Variants in HPSE2 observed in about 807,000 individuals in gnomAD.
The protein encoded by HPSE2 is heparanase 2 (inactive).
HPSE2 carries 38 observed loss-of-function variants against 60.5 expected under a neutral mutation model. That is an observed-to-expected ratio of 0.63 (90% CI 0.48 to 0.82). The LOEUF (loss-of-function observed/expected upper bound fraction) is 0.82. Among genes scored for constraint, HPSE2 ranks in the 40% least tolerant of loss-of-function variants. The probability of loss-of-function intolerance (pLI) is 0.00; values close to 1 mark genes in which losing one functional copy is unlikely to be tolerated. For synonymous variants in HPSE2, 295 were observed against 293.2 expected, an observed-to-expected ratio of 1.01 and a Z score of -0.06; for missense variants, 713 against 740.4, an observed-to-expected ratio of 0.96 and a Z score of 0.43.
At chr10:98,637,839 G>A (rs1444859853) in intron 7 of HPSE2, among the ~76,000 whole-genome samples, 1 of 152,082 alleles carries the variant, frequency 6.6e-6, no homozygotes, top group East Asian at 1.9e-4. Context: ...TATATAGACA[G>A]TAAAACCTTA....
chr10:98,459,474 G>C lies in HPSE2; in HGVS notation c.*100C>G. 1 of 1,254,120 alleles carries C rather than the reference G, an allele frequency of 8.0e-7. No homozygotes were observed. The highest frequency in any genetic ancestry group is 1.7e-5 in the Admixed American group (1 of 59,494). 77.7% of individuals were successfully genotyped at this position (1,254,120 alleles called of 1,614,324 possible). A position where few individuals can be genotyped will look rare whatever the true frequency, so the allele number is the denominator to read the frequency against. On this transcript the variant is annotated 3_prime_UTR_variant, in exon 12 of 12. Coordinates refer to ENST00000370552, the MANE Select transcript of HPSE2 (RefSeq NM_021828.5). The stretch of plus-strand genomic sequence containing the variant: ...TGATTCCAGCAGGATGGGGCAGCAG[G>C]GGCTGGTTGCTAGGATGTCTGAAAA...
At chr10:99,099,067 G>T (rs1021423632) in intron 3 of HPSE2, among the ~76,000 whole-genome samples, 1 of 152,192 alleles carries the variant, frequency 6.6e-6, no homozygotes, top group East Asian at 1.9e-4. Context: ...CAGCGTGAGT[G>T]ATGCAGAAGA....
At chr10:98,663,919 C>T (rs747996909) in intron 6 of HPSE2, among the ~76,000 whole-genome samples, 7 of 152,276 alleles carry the variant, frequency 4.6e-5, no homozygotes, top group South Asian at 2.1e-4. Flanking sequence ...ACTTCCAGCA[C>T]GGTGACCTTG....
At chr10:98,738,646 C>T (rs745884636) in intron 4 of HPSE2, among the ~76,000 whole-genome samples, 1 of 152,212 alleles carries the variant, frequency 6.6e-6, no homozygotes, top group South Asian at 2.1e-4. Flanking sequence ...AAACCCCCAT[C>T]AAGAAGTGGG....
At chr10:98,889,166 T>C (rs1055631486) in intron 3 of HPSE2, among the ~76,000 whole-genome samples, 17 of 151,578 alleles carry the variant, frequency 1.1e-4, no homozygotes, top group African/African-American at 4.1e-4. Context: ...GTTGATTGAA[T>C]CTTATAGACT....
At chr10:98,736,418 C>T (rs941017193) in intron 4 of HPSE2, among the ~76,000 whole-genome samples, 3 of 152,058 alleles carry the variant, frequency 2.0e-5, no homozygotes, top group African/African-American at 7.2e-5. Context: ...TTTTCTGTAA[C>T]TATCTAACTG....
intron 3 of HPSE2, among the ~76,000 whole-genome samples, chr10:98,852,114 TGTG>T (rs1363440365): frequency 2.1e-5 from 1 of 46,602 alleles, no homozygotes; most frequent in African/African-American, 9.2e-5. Context: ...TATATTATGA[TGTG>T]TGTGTGTGTG....
intron 9 of HPSE2, among the ~76,000 whole-genome samples, chr10:98,525,586 G>A (rs1285913416): frequency 6.6e-6 from 1 of 152,208 alleles, no homozygotes; most frequent in Non-Finnish European, 1.5e-5. Flanking sequence ...GGAAATGGGA[G>A]GATCTTCCTT....
intron 3 of HPSE2, among the ~76,000 whole-genome samples, chr10:98,986,981 C>A (rs909899769): frequency 6.6e-6 from 1 of 151,912 alleles, no homozygotes; most frequent in Non-Finnish European, 1.5e-5. Flanking sequence ...TAGCAGGCTC[C>A]GAAATCGAGG....
intron 3 of HPSE2, among the ~76,000 whole-genome samples, chr10:98,870,156 G>A (rs560078512): frequency 1.7e-3 from 252 of 152,118 alleles, no homozygotes; most frequent in Non-Finnish European, 3.1e-3. Context: ...GTGAATATAC[G>A]GTTAATTGTG....
At chr10:99,123,931 C>A (rs1340334752) in intron 3 of HPSE2, among the ~76,000 whole-genome samples, 1 of 152,114 alleles carries the variant, frequency 6.6e-6, no homozygotes, top group Non-Finnish European at 1.5e-5. Flanking sequence ...TAGCTCCTAT[C>A]TGCAGACAAG....
chr10:98,606,062 T>C (rs1018962079), intron 9 of HPSE2, among the ~76,000 whole-genome samples: 2 of 152,348 alleles, frequency 1.3e-5, no homozygotes, highest in African/African-American at 2.4e-5. Flanking sequence ...TTTACTTGTT[T>C]ATTTTTAGTC....
At position 98,892,551 on chromosome 10, in the gene HPSE2, T is replaced by A. The variant is rs541488845; in HGVS notation, c.611-148495A>T. ...TCCCAATCTACGAACTCTCAGATGTTTCCTAAGCAGAACTCTCTATTATCC... is the reference window on the plus strand; with the variant it reads ...TCCCAATCTACGAACTCTCAGATGTATCCTAAGCAGAACTCTCTATTATCC... On this transcript the variant is annotated intron_variant, in intron 3 of 11. Coordinates refer to ENST00000370552, the MANE Select transcript of HPSE2 (RefSeq NM_021828.5). 1.2e-3 allele frequency among the ~76,000 whole-genome samples: 178 copies of A among 152,298 alleles called. 2 individuals carry two copies. The highest frequency in any genetic ancestry group is 4.1e-3 in the African/African-American group (170 of 41,580).
At chr10:98,549,330 C>T (rs1312142456) in intron 9 of HPSE2, among the ~76,000 whole-genome samples, 1 of 151,792 alleles carries the variant, frequency 6.6e-6, no homozygotes. Context: ...TTCCATAAAA[C>T]TACAAAATAA....
At chr10:99,103,040 A>T in intron 3 of HPSE2, among the ~76,000 whole-genome samples, 1 of 152,216 alleles carries the variant, frequency 6.6e-6, no homozygotes, top group Non-Finnish European at 1.5e-5. Context: ...TGAATGGGCA[A>T]AAACTGGAAG....
rs192419720 is a variant in HPSE2 at position 99,047,972 on chromosome 10, C to T, written c.610+96266G>A. The stretch of plus-strand genomic sequence containing the variant: ...AAAGGTCCGAAAGATGTTTCCGTTT[C>T]TTTGCCTTCATCAAGTCTTCAATGA... On this transcript the variant is annotated intron_variant, in intron 3 of 11. Coordinates refer to ENST00000370552, the MANE Select transcript of HPSE2 (RefSeq NM_021828.5). The T allele has an allele frequency of 1.1e-4, 81 of 719,414 alleles. No individual in the cohort carries two copies. The African/African-American group carries it at 1.2e-3, about 11-fold the overall frequency. 44.6% of individuals were successfully genotyped at this position (719,414 alleles called of 1,614,324 possible).
In HPSE2 at chr10:98,620,634, G is replaced by C; in HGVS notation, c.1173C>G (p.Asn391Lys). 1 of 1,614,050 alleles carries C rather than the reference G, an allele frequency of 6.2e-7. No individual in the cohort carries two copies. The highest frequency in any genetic ancestry group is 8.5e-7 in the Non-Finnish European group (1 of 1,179,966). ...CTGCAGCATAGGAATCGGATAGATT[G>C]TTTGTGCCTCCAGCTGAGGTGGTCA... ...GVVTTSAGGTNNLSDSYAAGF... is the reference protein window; with the variant it reads ...GVVTTSAGGTKNLSDSYAAGF... The change falls in exon 8 of 12, where the codon AAC becomes AAG. Residue 391 changes from asparagine (N) to lysine (K), a missense_variant. Asn to Lys is a moderately conservative substitution (Grantham distance 94, BLOSUM62 0). Coordinates refer to ENST00000370552, the MANE Select transcript of HPSE2 (RefSeq NM_021828.5).
chr10:98,850,464 C>T (rs1478861624), intron 3 of HPSE2, among the ~76,000 whole-genome samples: 3 of 152,032 alleles, frequency 2.0e-5, no homozygotes, highest in Non-Finnish European at 2.9e-5. Context: ...GGGCCGGGCA[C>T]GGTGGCTCAC....
chr10:98,802,276 C>CT (rs1277368452), intron 3 of HPSE2, among the ~76,000 whole-genome samples: 3 of 142,408 alleles, frequency 2.1e-5, no homozygotes, highest in African/African-American at 5.3e-5. Context: ...GGCAAAATTT[C>CT]TTTTTTTTAA....
Sources: allele counts gnomAD v4.1 joint callset (sites outside exome capture counted in the v4.1 genomes callset), GRCh38; gene constraint gnomAD v4.1.1; transcripts MANE v1.5; gene names NCBI Gene and HGNC (gene_info 2026-07-23, HGNC 2026-07-21).